The following PRKN variants were observed in gnomAD, a reference collection of about 807,000 sequenced individuals.
The protein encoded by PRKN is parkin RBR E3 ubiquitin protein ligase.
Under a neutral mutation model 59.5 loss-of-function variants are expected in PRKN, and 56 were observed. The observed-to-expected ratio is 0.94, with a 90% CI of 0.76 to 1.18. The LOEUF (loss-of-function observed/expected upper bound fraction) is 1.18. Ranked by LOEUF, PRKN falls within the 50% of genes most tolerant of loss-of-function variation. PRKN has a pLI of 0.00. For missense variants in PRKN, 657 were observed against 596.4 expected (o/e 1.10, Z -1.06); for synonymous variants, 250 against 222.1 (o/e 1.13, Z -1.12).
At chr6:162,249,504 C>G (rs1054230902) in intron 3 of PRKN, among the ~76,000 whole-genome samples, 2 of 152,150 alleles carry the variant, frequency 1.3e-5, no homozygotes, top group Non-Finnish European at 2.9e-5. Flanking sequence ...CTATTAGAGT[C>G]CTGTTCCTGA....
chr6:161,522,044 TG>T (rs1778846447), intron 9 of PRKN, among the ~76,000 whole-genome samples: 1 of 152,160 alleles, frequency 6.6e-6, no homozygotes, highest in South Asian at 2.1e-4. Flanking sequence ...AGAACGGATG[TG>T]GACGGCGAAT....
At chr6:162,407,641 A>C (rs1010382398) in intron 2 of PRKN, among the ~76,000 whole-genome samples, 2 of 152,196 alleles carry the variant, frequency 1.3e-5, no homozygotes, top group African/African-American at 4.8e-5. Flanking sequence ...ATCAGATCTC[A>C]ATTCTTATCA....
At chr6:161,465,502 T>C (rs1010221061) in intron 9 of PRKN, among the ~76,000 whole-genome samples, 1 of 151,680 alleles carries the variant, frequency 6.6e-6, no homozygotes, top group Admixed American at 6.6e-5. Flanking sequence ...TTACTAGACA[T>C]GGAATTTTAG....
At chr6:162,170,196 G>T (rs75778501) in intron 4 of PRKN, among the ~76,000 whole-genome samples, 1 of 152,190 alleles carries the variant, frequency 6.6e-6, no homozygotes, top group Non-Finnish European at 1.5e-5. Flanking sequence ...AGGGTCTGTT[G>T]CCTAACTCTT....
At chr6:162,690,009 C>T (rs534784722) in intron 1 of PRKN, among the ~76,000 whole-genome samples, 3 of 151,914 alleles carry the variant, frequency 2.0e-5, no homozygotes, top group African/African-American at 7.2e-5. Context: ...GTATTATGTC[C>T]TCTAAATAAA....
intron 1 of PRKN, among the ~76,000 whole-genome samples, chr6:162,630,341 T>C (rs1783058836): frequency 6.6e-6 from 1 of 152,162 alleles, no homozygotes; most frequent in South Asian, 2.1e-4. Flanking sequence ...AAAGCTGCTA[T>C]CAATTACTTT....
chr6:161,561,558 A>G lies in PRKN; in HGVS notation c.933+7797T>C, dbSNP rs1372045427. Among the ~76,000 whole-genome samples, 1 of 152,082 alleles carries G rather than the reference A, an allele frequency of 6.6e-6. No individual in the cohort carries two copies. The highest frequency in any genetic ancestry group is 1.5e-5 in the Non-Finnish European group (1 of 68,012). On this transcript the variant is annotated intron_variant, in intron 8 of 11. Transcript: ENST00000366898. This position sits in a 1 kb window ranked among gnomAD's most constrained non-coding sequence, Gnocchi z 5.0. ...CTCTCCTCTTCACATCCCTGCAACT[A>G]TGAACACACCTGCACCTGCACTCAC...
rs1778538954 is a variant in PRKN, at chr6:162,234,112, T to C, written c.412+28413A>G. 2.0e-5 allele frequency among the ~76,000 whole-genome samples: 3 copies of C among 152,066 alleles called. No homozygotes were observed. The South Asian group carries it at 6.2e-4, about 32-fold the overall frequency. ...CAGAATCATAGTATTGAACCTAACATAGGATGGGGGAAAAAAGCAGAGAAT... is the reference window on the plus strand; with the variant it reads ...CAGAATCATAGTATTGAACCTAACACAGGATGGGGGAAAAAAGCAGAGAAT... On this transcript the variant is annotated intron_variant, in intron 3 of 11. Coordinates refer to ENST00000366898, the MANE Select transcript of PRKN (RefSeq NM_004562.3).
rs376948196 is a variant in PRKN at position 161,579,092 on chromosome 6, C to G, written c.872-9676G>C. Reference sequence around the variant, plus strand: ...GATCCTTATCCATTATTTTCTTTCTCCTGCTGCTCTCAAAAGTTTGTCCTT... The same window carrying G: ...GATCCTTATCCATTATTTTCTTTCTGCTGCTGCTCTCAAAAGTTTGTCCTT... On this transcript the variant is annotated intron_variant, in intron 7 of 11. Coordinates refer to ENST00000366898, the MANE Select transcript of PRKN (RefSeq NM_004562.3). The surrounding 1 kb of genome is among the most constrained non-coding windows in gnomAD (Gnocchi z 4.2). Among the ~76,000 whole-genome samples the G allele has an allele frequency of 7.2e-5, 11 of 152,164 alleles. No homozygotes were observed. Among genetic ancestry groups the G allele is most frequent in the Non-Finnish European group, 1.5e-4 (10 of 68,034 alleles).
At position 161,554,831 on chromosome 6, in the gene PRKN, T is replaced by C. The variant is rs1023609619; in HGVS notation, c.934-5828A>G. 1.3e-5 allele frequency among the ~76,000 whole-genome samples: 2 copies of C among 151,728 alleles called. No individual in the cohort carries two copies. The highest frequency in any genetic ancestry group is 4.8e-5 in the African/African-American group (2 of 41,364). On this transcript the variant is annotated intron_variant, in intron 8 of 11. Coordinates refer to ENST00000366898, the MANE Select transcript of PRKN (RefSeq NM_004562.3). The surrounding 1 kb of genome is among the most constrained non-coding windows in gnomAD (Gnocchi z 4.5). ...TACTTCATGTTCTTCTGGTATAAAA[T>C]ATTATGGATAAGCCTGAAAATAATG...
At chr6:161,763,740 A>G (rs61030762) in intron 7 of PRKN, among the ~76,000 whole-genome samples, 5,508 of 152,038 alleles carry the variant, frequency 0.036, 279 homozygotes, top group African/African-American at 0.11. Context: ...TGAAAGTTAA[A>G]TTTTTGTCAT....
chr6:161,465,317 T>C lies in PRKN; in HGVS notation c.1084-78440A>G, dbSNP rs139463419. 2.7e-3 allele frequency among the ~76,000 whole-genome samples: 411 copies of C among 152,328 alleles called. 1 individual carries two copies. Among genetic ancestry groups the C allele is most frequent in the African/African-American group, 9.6e-3 (401 of 41,560 alleles). ...TCATCTTGGAGCTGACCTACATTTTTATACGTTCTGATGTTCCTCATTCCT... is the reference window on the plus strand; with the variant it reads ...TCATCTTGGAGCTGACCTACATTTTCATACGTTCTGATGTTCCTCATTCCT... On this transcript the variant is annotated intron_variant, in intron 9 of 11. Coordinates refer to ENST00000366898, the MANE Select transcript of PRKN (RefSeq NM_004562.3).
chr6:162,247,869 T>C (rs1180611469), intron 3 of PRKN, among the ~76,000 whole-genome samples: 1 of 152,212 alleles, frequency 6.6e-6, no homozygotes, highest in East Asian at 1.9e-4. Context: ...CTTGTTAATT[T>C]GATTAAATCG....
intron 9 of PRKN, among the ~76,000 whole-genome samples, chr6:161,490,859 G>A (rs535788312): frequency 5.3e-5 from 8 of 151,918 alleles, no homozygotes; most frequent in South Asian, 2.1e-4. Flanking sequence ...GTGAGTTATC[G>A]TGAGATCTGG....
chr6:161,656,603 C>T (rs1784361348), intron 7 of PRKN, among the ~76,000 whole-genome samples: 1 of 152,222 alleles, frequency 6.6e-6, no homozygotes, highest in Non-Finnish European at 1.5e-5. Flanking sequence ...GTCCTTTAAC[C>T]AGCATCTCAA....
intron 2 of PRKN, among the ~76,000 whole-genome samples, chr6:162,438,567 G>A (rs1435934735): frequency 6.6e-6 from 1 of 152,082 alleles, no homozygotes; most frequent in African/African-American, 2.4e-5. Context: ...TAATATTACA[G>A]GTTGGCAGTT....
At position 162,314,920 on chromosome 6, in the gene PRKN, C is replaced by T. The variant is rs191709729; in HGVS notation, c.172-52155G>A. On this transcript the variant is annotated intron_variant, in intron 2 of 11. Transcript: ENST00000366898. ...AACTACTGCCAAGGAAGGTCCCCAG[C>T]ATCCTATATTTATATAATTGGTTTT... 2.0e-5 allele frequency among the ~76,000 whole-genome samples: 3 copies of T among 152,282 alleles called. 1 individual carries two copies. Among genetic ancestry groups the T allele is most frequent in the African/African-American group, 7.2e-5 (3 of 41,556 alleles).
intron 1 of PRKN, among the ~76,000 whole-genome samples, chr6:162,556,364 T>TGTGTGTGTGTGTGTGTGTGTGTGCGC (rs1779585972): frequency 1.1e-5 from 1 of 91,172 alleles, no homozygotes; most frequent in South Asian, 5.4e-4. Flanking sequence ...TGTGTGTGTG[T>TGTGTGTGTGTGTGTGTGTGTGTGCGC]GTGTGTGTGT....
chr6:162,356,747 T>TAAAAAAAAAAAAAA (rs748212596), intron 2 of PRKN, among the ~76,000 whole-genome samples: 1 of 73,064 alleles, frequency 1.4e-5, no homozygotes, highest in Non-Finnish European at 2.7e-5. Flanking sequence ...TGATTATTAG[T>TAAAAAAAAAAAAAA]AAAAAAAAAA....
Sources: allele counts gnomAD v4.1 joint callset (sites outside exome capture counted in the v4.1 genomes callset), GRCh38; gene constraint gnomAD v4.1.1; non-coding constraint Gnocchi (gnomAD v3.1); transcripts MANE v1.5; gene names NCBI Gene and HGNC (gene_info 2026-07-23, HGNC 2026-07-21).